The following TBC1D30 variants were observed in gnomAD, a reference collection of about 807,000 sequenced individuals.
TBC1D30 encodes TBC1 domain family, member 30.
In TBC1D30, 31 loss-of-function variants were observed where a neutral mutation model predicts 63.2. The observed-to-expected ratio is 0.49, with a 90% CI of 0.37 to 0.66. TBC1D30 has a LOEUF of 0.66. TBC1D30 is among the 30% of genes least tolerant of loss of function. The pLI is 0.00. For missense variants in TBC1D30, 810 were observed against 953.6 expected, an observed-to-expected ratio of 0.85 and a Z score of 1.98; for synonymous variants, 307 against 361.5, an observed-to-expected ratio of 0.85 and a Z score of 1.71.
chr12:64,789,510 T>C (rs1299510186), intron 2 of TBC1D30, among the ~76,000 whole-genome samples: 1 of 152,138 alleles, frequency 6.6e-6, no homozygotes, highest in Admixed American at 6.5e-5. Flanking sequence ...TAACATGCTA[T>C]AGAATAAAAA....
At chr12:64,776,392 T>A (rs1362264046), upstream of TBC1D30, among the ~76,000 whole-genome samples, 1 of 151,390 alleles carries the variant, frequency 6.6e-6, no homozygotes, top group Non-Finnish European at 1.5e-5. Flanking sequence ...CAGAGAAGAT[T>A]CAAATAAACA....
intron 8 of TBC1D30, among the ~76,000 whole-genome samples, chr12:64,861,588 G>A (rs2136452339): frequency 6.6e-6 from 1 of 151,870 alleles, no homozygotes; most frequent in Non-Finnish European, 1.5e-5. Context: ...GTAGATCACT[G>A]TTTTCTTATT....
In TBC1D30 at chr12:64,879,272, T is replaced by A. The variant is rs1879306480; in HGVS notation, c.*3484T>A. Reference sequence around the variant, plus strand: ...GTAAATGCTCTTATACAATATGATTTTTAGTGACTAATATTCCCTAATGTG... The same window carrying A: ...GTAAATGCTCTTATACAATATGATTATTAGTGACTAATATTCCCTAATGTG... On this transcript the variant is annotated 3_prime_UTR_variant, in exon 12 of 12. Transcript: ENST00000539867. 6.6e-6 allele frequency: 1 copy of A among 152,220 alleles called. No homozygotes were observed. Among genetic ancestry groups the A allele is most frequent in the South Asian group, 2.1e-4 (1 of 4,830 alleles). 9.4% of individuals were successfully genotyped at this position (152,220 alleles called of 1,614,324 possible). A position where few individuals can be genotyped will look rare whatever the true frequency, so the allele number is the denominator to read the frequency against.
In TBC1D30 at chr12:64,798,759, A is replaced by G. The variant is rs192335101; in HGVS notation, c.643+12714A>G. Among the ~76,000 whole-genome samples, 19 of 150,476 alleles carry G rather than the reference A, an allele frequency of 1.3e-4. No homozygotes were observed. The East Asian group carries it at 3.5e-3, about 28-fold the overall frequency. ...TTCCTTGGGACCACTTCTTCAGGGT[A>G]CAGACTGGGCCTCAGCATCTGCCAG... On this transcript the variant is annotated intron_variant, in intron 2 of 12. Coordinates refer to the TBC1D30 transcript ENST00000542120.
chr12:64,792,746 T>A (rs973944279), intron 2 of TBC1D30, among the ~76,000 whole-genome samples: 6 of 152,010 alleles, frequency 3.9e-5, no homozygotes, highest in East Asian at 3.9e-4. Flanking sequence ...AATTTTTTTT[T>A]AATTTTTAGT....
At chr12:64,871,910 T>C (rs552211636) in intron 11 of TBC1D30, among the ~76,000 whole-genome samples, 1 of 152,226 alleles carries the variant, frequency 6.6e-6, no homozygotes, top group South Asian at 2.1e-4. Context: ...GGTGTGACGG[T>C]AAACAATTGC....
At chr12:64,845,140 G>T (rs1218610084) in intron 8 of TBC1D30, among the ~76,000 whole-genome samples, 1 of 152,130 alleles carries the variant, frequency 6.6e-6, no homozygotes, top group Non-Finnish European at 1.5e-5. Flanking sequence ...ACCCAGCAGG[G>T]AATTTTTGGA....
In TBC1D30 at chr12:64,864,743, C is replaced by G; in HGVS notation, c.1114C>G (p.Pro372Ala). 6.5e-7 allele frequency: 1 copy of G among 1,536,098 alleles called. No individual in the cohort carries two copies. The highest frequency in any genetic ancestry group is 8.7e-7 in the Non-Finnish European group (1 of 1,146,894). ...GGAAAAATACACCTACAACATTACA[C>G]CGTTCCCAGCCACAGTTAAACCCAC... Reference protein sequence around the residue: ...LREKYTYNITPFPATVKPTSV... With the variant: ...LREKYTYNITAFPATVKPTSV... Residue 372 changes from proline (P) to alanine (A), a missense_variant, in exon 9 of 12, where the codon CCG (proline) becomes GCG (alanine). Physicochemically the swap from Pro to Ala is conservative, Grantham distance 27. Coordinates refer to ENST00000539867, the MANE Select transcript of TBC1D30 (RefSeq NM_015279.2).
At chr12:64,815,451 G>A (rs181029950) in intron 2 of TBC1D30, among the ~76,000 whole-genome samples, 4 of 152,232 alleles carry the variant, frequency 2.6e-5, no homozygotes, top group South Asian at 2.1e-4. Flanking sequence ...TAAAAAAGAC[G>A]TTTTTAAAAG....
chr12:64,827,285 C>A (rs1874441466), intron 1 of TBC1D30, among the ~76,000 whole-genome samples: 1 of 152,092 alleles, frequency 6.6e-6, no homozygotes, highest in South Asian at 2.1e-4. Flanking sequence ...CCCTGTTCTA[C>A]AAAAAATACA....
chr12:64,875,776 TA>T lies in TBC1D30; in HGVS notation c.2280del (p.Lys760AsnfsTer19). The T allele has an allele frequency of 6.5e-7, 1 of 1,528,700 alleles. No individual in the cohort carries two copies. The highest frequency in any genetic ancestry group is 8.7e-7 in the Non-Finnish European group (1 of 1,143,680). The allele number at this position is 1,528,700 out of a possible 1,614,324, so 94.7% of individuals were successfully genotyped here. The part of the protein sequence containing the change: ...SKPGGGNSGT[K>X]KR ...AACCCGGCGGTGGAAACAGTGGCACTAAAAAACGATGATGTCTCCCCGAAAC... is the reference window on the plus strand; with the variant it reads ...AACCCGGCGGTGGAAACAGTGGCACTAAAAACGATGATGTCTCCCCGAAAC... On this transcript the variant is annotated frameshift_variant, in exon 12 of 12. Coordinates refer to ENST00000539867, the MANE Select transcript of TBC1D30 (RefSeq NM_015279.2). LOFTEE classifies it high-confidence loss of function.
intron 1 of TBC1D30, among the ~76,000 whole-genome samples, chr12:64,827,049 A>G (rs1874419605): frequency 6.6e-6 from 1 of 152,234 alleles, no homozygotes; most frequent in Admixed American, 6.5e-5. Context: ...ACAATCAACA[A>G]TCTTAGAAAC....
At position 64,781,891 on chromosome 12, in the gene TBC1D30, C is replaced by T. The variant is rs946822655; in HGVS notation, c.478+605C>T. Among the ~76,000 whole-genome samples the T allele has an allele frequency of 5.3e-5, 8 of 151,528 alleles. No individual in the cohort carries two copies. The East Asian group carries it at 1.5e-3, about 29-fold the overall frequency. ...TGTTTTGTTTTCTTTTTTTCCTTCT[C>T]GGTGGCAGGTTAGTGGAGGGCCCTA... On this transcript the variant is annotated intron_variant, in intron 1 of 12. Transcript: ENST00000542120.
intron 2 of TBC1D30, among the ~76,000 whole-genome samples, chr12:64,801,741 G>C (rs192470469): frequency 6.6e-6 from 1 of 152,230 alleles, no homozygotes. Context: ...AGAAAATTAG[G>C]TTTATCATTC....
At chr12:64,815,052 C>T (rs1873441977) in intron 2 of TBC1D30, among the ~76,000 whole-genome samples, 1 of 152,184 alleles carries the variant, frequency 6.6e-6, no homozygotes, top group Non-Finnish European at 1.5e-5. Context: ...CGTTCCTTTT[C>T]ATGTAGATGC....
chr12:64,861,548 C>A (rs1418398591), intron 8 of TBC1D30, among the ~76,000 whole-genome samples: 1 of 152,200 alleles, frequency 6.6e-6, no homozygotes, highest in East Asian at 1.9e-4. Context: ...AAGTGCCATA[C>A]TGAAAATCAT....
chr12:64,790,463 T>C (rs1030274463), intron 2 of TBC1D30, among the ~76,000 whole-genome samples: 37 of 152,294 alleles, frequency 2.4e-4, no homozygotes, highest in African/African-American at 7.7e-4. Flanking sequence ...TTTCCTGCAT[T>C]GGTATAGTAA....
chr12:64,814,209 G>A (rs1322929866), intron 2 of TBC1D30, among the ~76,000 whole-genome samples: 1 of 152,158 alleles, frequency 6.6e-6, no homozygotes, highest in Non-Finnish European at 1.5e-5. Context: ...ACCACGTCTA[G>A]CTAACTTTTG....
At chr12:64,780,973 C>T (rs1406020906) in exon 1 of TBC1D30, 26 of 1,054,992 alleles carry the variant, frequency 2.5e-5, no homozygotes, top group African/African-American at 5.2e-5. Context: ...CGCGGCGCTC[C>T]CGGGACACGT....
Sources: allele counts gnomAD v4.1 joint callset (sites outside exome capture counted in the v4.1 genomes callset), GRCh38; gene constraint gnomAD v4.1.1; transcripts MANE v1.5; gene names NCBI Gene and HGNC (gene_info 2026-07-23, HGNC 2026-07-21).